The following DZANK1 variants were observed in gnomAD, a reference collection of about 807,000 sequenced individuals.
DZANK1 encodes the protein double zinc ribbon and ankyrin repeat domains 1, also known as double zinc ribbon and ankyrin repeat-containing protein 1.
A neutral mutation model predicts 94.5 loss-of-function variants in DZANK1; 91 were observed. The ratio of observed to expected loss-of-function variants is 0.96; its 90% CI spans 0.81 to 1.15. DZANK1 has a LOEUF of 1.15. Ranked by LOEUF, DZANK1 falls within the 50% of genes most tolerant of loss-of-function variation. The pLI is 0.00. For synonymous variants in DZANK1, 312 were observed against 325.3 expected (o/e 0.96, Z 0.44); for missense variants, 903 against 916.4 (o/e 0.99, Z 0.19).
chr20:18,414,659 A>ACTTCTTTCTGTACTT, intron 11 of DZANK1, 147 bp from the exon 12 acceptor site: 2 of 1,000,728 alleles, frequency 2.0e-6, no homozygotes, highest in Non-Finnish European at 2.9e-6. Flanking sequence ...GGACAAGTAC[A>ACTTCTTTCTGTACTT]GAAAGAAGTG....
At position 18,453,719 on chromosome 20, in the gene DZANK1, G is replaced by A; in HGVS notation, c.475+12C>T. On this transcript the variant is annotated intron_variant, in intron 5 of 20. Transcript: ENST00000262547. ...GAATACAAAACCTTGTCTTTGTTCT[G>A]TCACATCATACCTGGAAACTTTCTA... is the stretch of plus-strand genomic sequence containing the variant. 6.3e-7 allele frequency: 1 copy of A among 1,584,388 alleles called. No homozygotes were observed. The highest frequency in any genetic ancestry group is 8.7e-7 in the Non-Finnish European group (1 of 1,154,770).
intron 13 of DZANK1, among the ~76,000 whole-genome samples, chr20:18,409,581 CA>C (rs2057135489): frequency 7.1e-6 from 1 of 140,572 alleles, no homozygotes; most frequent in African/African-American, 2.6e-5. Context: ...CACACACACA[CA>C]CCACCACCAC....
intron 3 of DZANK1, among the ~76,000 whole-genome samples, chr20:18,457,930 A>T (rs1189527527): frequency 4.6e-5 from 7 of 152,180 alleles, no homozygotes; most frequent in Non-Finnish European, 1.5e-5. Context: ...CGCTTGGCGA[A>T]TTTATTTGAT....
exon 13 of DZANK1, chr20:18,412,808 C>G: frequency 6.2e-7 from 1 of 1,613,962 alleles, no homozygotes; most frequent in Non-Finnish European, 8.5e-7. Context: ...GTCCCAACAT[C>G]AGATCTGGGC....
At chr20:18,410,991 T>C (rs892724442) in intron 13 of DZANK1, among the ~76,000 whole-genome samples, 1 of 152,286 alleles carries the variant, frequency 6.6e-6, no homozygotes, top group East Asian at 1.9e-4. Flanking sequence ...ACCAAACTTA[T>C]GGGACGCAGT....
chr20:18,384,935 G>A, intron 20 of DZANK1, 81 bp downstream of exon 20: 1 of 1,360,090 alleles, frequency 7.4e-7, no homozygotes, highest in Non-Finnish European at 1.0e-6. Flanking sequence ...CAGGAACCAA[G>A]GCCCCTCTTA....
At chr20:18,392,174 A>G (rs1356875147) in intron 17 of DZANK1, among the ~76,000 whole-genome samples, 1 of 152,220 alleles carries the variant, frequency 6.6e-6, no homozygotes, top group African/African-American at 2.4e-5. Context: ...TACACAGAGT[A>G]AATAGGTAGA....
exon 9 of DZANK1, chr20:18,433,717 T>C (rs1230768287): frequency 2.5e-6 from 4 of 1,614,004 alleles, no homozygotes; most frequent in South Asian, 1.1e-5. Context: ...ACCACACAGA[T>C]GGGAGTGTTC....
intron 10 of DZANK1, among the ~76,000 whole-genome samples, chr20:18,418,340 G>A (rs1010195417): frequency 6.6e-6 from 1 of 152,132 alleles, no homozygotes; most frequent in Non-Finnish European, 1.5e-5. Flanking sequence ...GGAGCTCCCA[G>A]AAAGAAACAA....
exon 21 of DZANK1, chr20:18,384,474 G>C (rs761245722): frequency 1.9e-5 from 30 of 1,611,912 alleles, no homozygotes; most frequent in South Asian, 1.1e-5. Flanking sequence ...TGGCAGCAAA[G>C]AGTGAGGTGA....
At chr20:18,394,597 T>C (rs2056224305) in intron 15 of DZANK1, 2 of 662,532 alleles carry the variant, frequency 3.0e-6, no homozygotes, top group African/African-American at 3.5e-5. Flanking sequence ...CCCAGCCCCC[T>C]CGTCTCACAT....
chr20:18,454,003 T>C (rs1297117232), intron 4 of DZANK1, 176 bp from the exon 5 acceptor site: 4 of 717,658 alleles, frequency 5.6e-6, no homozygotes, highest in Non-Finnish European at 1.0e-5. Flanking sequence ...GTATCTGGAC[T>C]GGGCTGCTCA....
chr20:18,386,299 TC>T (rs2048491908), intron 19 of DZANK1, among the ~76,000 whole-genome samples: 1 of 152,134 alleles, frequency 6.6e-6, no homozygotes, highest in Non-Finnish European at 1.5e-5. Context: ...ACAAAGCCGT[TC>T]TCTTATACAC....
exon 2 of DZANK1, chr20:18,465,273 T>G: frequency 6.2e-7 from 1 of 1,603,442 alleles, no homozygotes; most frequent in Non-Finnish European, 8.5e-7. Flanking sequence ...CAAAAGCGTA[T>G]TGTTATCAAT....
chr20:18,384,385 T>C (rs372390901), exon 21 of DZANK1: 106 of 1,604,228 alleles, frequency 6.6e-5, no homozygotes, highest in Non-Finnish European at 8.2e-5. Context: ...TGAAGTCCCG[T>C]GGAGGCCTCA....
At chr20:18,436,507 C>T (rs576178014) in intron 8 of DZANK1, among the ~76,000 whole-genome samples, 1 of 150,750 alleles carries the variant, frequency 6.6e-6, no homozygotes, top group African/African-American at 2.4e-5. Context: ...AAGAAAGAAT[C>T]AGTGAACTTG....
exon 3 of DZANK1, chr20:18,460,180 A>G: frequency 2.6e-6 from 4 of 1,562,256 alleles, no homozygotes; most frequent in Non-Finnish European, 3.5e-6. Flanking sequence ...TTTAACTTGT[A>G]TTTTTCCATC....
chr20:18,412,927 C>T, intron 12 of DZANK1, 74 bp from the exon 13 acceptor site: 1 of 1,305,638 alleles, frequency 7.7e-7, no homozygotes, highest in Non-Finnish European at 1.1e-6. Context: ...TTATAGAAAA[C>T]AACTCTAATC....
At chr20:18,394,968 G>A (rs1292254177) in intron 15 of DZANK1, 15 of 437,508 alleles carry the variant, frequency 3.4e-5, no homozygotes, top group Admixed American at 2.6e-4. Flanking sequence ...GTGTGCACCC[G>A]GACTGATCCC....
Sources: gnomAD v4.1 joint callset for allele counts (sites outside exome capture counted in the v4.1 genomes callset) on GRCh38, gnomAD v4.1.1 for gene constraint, MANE v1.5 for transcripts, NCBI Gene and HGNC (gene_info 2026-07-23, HGNC 2026-07-21) for gene names.